The following TET3 variants were observed in gnomAD, a reference collection of about 807,000 sequenced individuals.
TET3 encodes the protein tet methylcytosine dioxygenase 3.
Under a neutral mutation model 141.4 loss-of-function variants are expected in TET3, and 19 were observed. The ratio of observed to expected loss-of-function variants is 0.13; its 90% CI spans 0.09 to 0.20. The LOEUF is 0.20. TET3 is among the 10% of genes least tolerant of loss of function. The probability of loss-of-function intolerance (pLI) is 1.00; values close to 1 mark genes in which losing one functional copy is unlikely to be tolerated. For missense variants in TET3, 1,874 were observed against 2,356.9 expected (o/e 0.80, Z 4.24); for synonymous variants, 1,043 against 980.9 (o/e 1.06, Z -1.18).
At position 74,108,137 on chromosome 2, in the gene TET3, G is replaced by A. The variant is rs935325084; in HGVS notation, c.*5961G>A. 1 of 153,622 alleles carries A rather than the reference G, an allele frequency of 6.5e-6. No homozygotes were observed. Among genetic ancestry groups the A allele is most frequent in the Non-Finnish European group, 1.5e-5 (1 of 68,030 alleles). The allele number at this position is 153,622 out of a possible 1,614,324, so 9.5% of individuals were successfully genotyped here. The stretch of plus-strand genomic sequence containing the variant: ...CTCCTGGTATCTTTAAAATATTGTG[G>A]GTGTTTTAATAAATTTTATATTTAT... On this transcript the variant is annotated 3_prime_UTR_variant, in exon 12 of 12. Transcript: ENST00000409262.
At chr2:73,997,364 C>T (rs1342091741) in intron 2 of TET3, among the ~76,000 whole-genome samples, 1 of 152,180 alleles carries the variant, frequency 6.6e-6, no homozygotes, top group Non-Finnish European at 1.5e-5. Flanking sequence ...TTAAGGTAAG[C>T]TCTGTGTGCC....
At chr2:74,090,518 A>T (rs929959943) in intron 8 of TET3, among the ~76,000 whole-genome samples, 1 of 152,206 alleles carries the variant, frequency 6.6e-6, no homozygotes, top group African/African-American at 2.4e-5. Context: ...CTGGGCAGTC[A>T]TCCGGGCCCT....
intron 2 of TET3, chr2:74,002,868 CG>C: frequency 1.8e-6 from 1 of 568,004 alleles, no homozygotes; most frequent in East Asian, 3.0e-5. Flanking sequence ...TCTCGGATCT[CG>C]GGGGGATTCT....
At chr2:74,073,258 A>G (rs1038304428) in intron 4 of TET3, among the ~76,000 whole-genome samples, 25 of 152,318 alleles carry the variant, frequency 1.6e-4, no homozygotes, top group African/African-American at 5.1e-4. Flanking sequence ...GCTTTATTGG[A>G]TAATGGTAGG....
At chr2:74,057,099 C>T (rs1430668593) in intron 4 of TET3, among the ~76,000 whole-genome samples, 3 of 152,166 alleles carry the variant, frequency 2.0e-5, no homozygotes, top group Non-Finnish European at 4.4e-5. Flanking sequence ...ATCCTAAGAG[C>T]TGGCTTTGTA....
intron 4 of TET3, among the ~76,000 whole-genome samples, chr2:74,069,423 AT>A (rs1461004948): frequency 6.6e-6 from 1 of 150,570 alleles, no homozygotes; most frequent in African/African-American, 2.5e-5. Flanking sequence ...TATTAAATTA[AT>A]TTTTTACATT....
At chr2:74,088,795 A>G (rs1294422651) in intron 7 of TET3, among the ~76,000 whole-genome samples, 1 of 151,926 alleles carries the variant, frequency 6.6e-6, no homozygotes, top group Non-Finnish European at 1.5e-5. Flanking sequence ...AAGATATGCA[A>G]CAGGGCTGGG....
chr2:74,100,518 G>C lies in TET3; in HGVS notation c.3730G>C (p.Gly1244Arg). The change falls in exon 12 of 12, where the codon GGC becomes CGC. Residue 1244 changes from glycine (G) to arginine (R), a missense_variant. By Grantham distance (125) the Gly-to-Arg change is moderately radical (BLOSUM62 -2). This residue lies in a region of TET3 where 602 missense variants were observed against 590.2 expected (regional missense o/e 1.02). Coordinates refer to ENST00000409262, the MANE Select transcript of TET3 (RefSeq NM_001287491.2). ...GGTGGTGGAGAGCTACTCGGTGCTG[G>C]GCAACTGCCGGCCCTCCGACCCTTA... ...NAVVESYSVL[G>R]NCRPSDPYSM... 1 of 1,608,736 alleles carries C rather than the reference G, an allele frequency of 6.2e-7. No individual in the cohort carries two copies. The highest frequency in any genetic ancestry group is 8.5e-7 in the Non-Finnish European group (1 of 1,177,648).
intron 2 of TET3, among the ~76,000 whole-genome samples, chr2:74,000,353 A>G (rs1467453565): frequency 6.6e-6 from 1 of 152,160 alleles, no homozygotes; most frequent in African/African-American, 2.4e-5. Context: ...CCCACGTGGG[A>G]GGACTGCCGT....
intron 4 of TET3, among the ~76,000 whole-genome samples, chr2:74,057,183 T>G (rs1379655087): frequency 6.6e-6 from 1 of 152,222 alleles, no homozygotes; most frequent in Admixed American, 6.5e-5. Flanking sequence ...ACAAAAATCC[T>G]GCCAACTGTG....
downstream of TET3, among the ~76,000 whole-genome samples, chr2:74,108,901 AT>A (rs564777588): frequency 5.1e-4 from 78 of 152,330 alleles, no homozygotes; most frequent in Non-Finnish European, 9.7e-4. Flanking sequence ...CTCTGAGGGC[AT>A]CTGAGTGAAA....
chr2:74,049,719 G>C (rs1005647740), intron 4 of TET3, among the ~76,000 whole-genome samples: 1 of 152,150 alleles, frequency 6.6e-6, no homozygotes, highest in Non-Finnish European at 1.5e-5. Context: ...CCGGTCAGTA[G>C]GGAGGAGCTG....
chr2:74,011,796 G>C (rs1201966005), intron 3 of TET3, among the ~76,000 whole-genome samples: 1 of 151,816 alleles, frequency 6.6e-6, no homozygotes, highest in Non-Finnish European at 1.5e-5. Context: ...CCAGCACTTT[G>C]GGAGGCCAAA....
intron 3 of TET3, among the ~76,000 whole-genome samples, chr2:74,010,975 T>G (rs934700524): frequency 6.6e-6 from 1 of 152,120 alleles, no homozygotes; most frequent in African/African-American, 2.4e-5. Flanking sequence ...CAGTGGCTCA[T>G]GCGTGTAATC....
intron 3 of TET3, among the ~76,000 whole-genome samples, chr2:74,015,419 A>G (rs1685677395): frequency 6.6e-6 from 1 of 152,234 alleles, no homozygotes; most frequent in African/African-American, 2.4e-5. Flanking sequence ...ACTATTAACA[A>G]TTTATATATA....
At chr2:73,997,735 G>A (rs533290993) in intron 2 of TET3, among the ~76,000 whole-genome samples, 6 of 152,334 alleles carry the variant, frequency 3.9e-5, no homozygotes, top group Non-Finnish European at 8.8e-5. Context: ...AACCTCGCCT[G>A]GGACTAGCTC....
intron 3 of TET3, among the ~76,000 whole-genome samples, chr2:74,004,100 C>T (rs1573662327): frequency 6.6e-6 from 1 of 152,084 alleles, no homozygotes; most frequent in Non-Finnish European, 1.5e-5. Context: ...CTCTGAAGTC[C>T]AAGAGCAGAG....
At chr2:74,071,381 G>A (rs369483139) in intron 4 of TET3, among the ~76,000 whole-genome samples, 11 of 152,370 alleles carry the variant, frequency 7.2e-5, no homozygotes, top group African/African-American at 2.6e-4. Context: ...ATCTTTGTAT[G>A]TGGGTTTTAA....
At chr2:73,992,646 G>C (rs961937059) in intron 2 of TET3, among the ~76,000 whole-genome samples, 1 of 152,060 alleles carries the variant, frequency 6.6e-6, no homozygotes, top group Non-Finnish European at 1.5e-5. Context: ...ACAGAGTGTC[G>C]CTATTTTGCC....
Sources: allele counts gnomAD v4.1 joint callset (sites outside exome capture counted in the v4.1 genomes callset), GRCh38; gene constraint gnomAD v4.1.1; regional missense constraint gnomAD v4.1.1; transcripts MANE v1.5; gene names NCBI Gene and HGNC (gene_info 2026-07-23, HGNC 2026-07-21).